The following SNTG1 variants were observed in gnomAD, a reference collection of about 807,000 sequenced individuals.
SNTG1 encodes the protein gamma-1-syntrophin.
SNTG1 carries 39 observed loss-of-function variants against 74.7 expected under a neutral mutation model. The observed-to-expected ratio is 0.52, with a 90% CI of 0.40 to 0.68. SNTG1 has a LOEUF of 0.68. SNTG1 is among the 30% of genes least tolerant of loss of function. SNTG1 has a pLI of 0.00. For missense variants in SNTG1, 685 were observed against 609.5 expected, an observed-to-expected ratio of 1.12 and a Z score of -1.30; for synonymous variants, 254 against 217.1, an observed-to-expected ratio of 1.17 and a Z score of -1.49.
intron 4 of SNTG1, among the ~76,000 whole-genome samples, chr8:50,403,244 T>A (rs191529039): frequency 8.9e-4 from 136 of 152,310 alleles, no homozygotes; most frequent in Non-Finnish European, 1.0e-3. Flanking sequence ...AGTGTTTAGT[T>A]GGTGGTGAAT....
intron 1 of SNTG1, among the ~76,000 whole-genome samples, chr8:50,084,462 AAAAAT>A (rs754657794): frequency 3.3e-5 from 5 of 152,316 alleles, no homozygotes; most frequent in Non-Finnish European, 7.3e-5. Context: ...CCATCTCAAA[AAAAAT>A]AAAATAAAAA....
chr8:50,693,007 G>C (rs1382531010), intron 15 of SNTG1, among the ~76,000 whole-genome samples: 1 of 152,162 alleles, frequency 6.6e-6, no homozygotes, highest in Non-Finnish European at 1.5e-5. Flanking sequence ...TCGGACTGCT[G>C]TGTTAGCAAT....
At chr8:50,372,491 G>A (rs1563295673) in intron 2 of SNTG1, among the ~76,000 whole-genome samples, 1 of 151,590 alleles carries the variant, frequency 6.6e-6, no homozygotes, top group Non-Finnish European at 1.5e-5. Context: ...CCATCTTCCT[G>A]ATACTTTGCA....
chr8:50,007,161 C>T (rs1229567991), intron 1 of SNTG1, among the ~76,000 whole-genome samples: 3 of 152,114 alleles, frequency 2.0e-5, no homozygotes, highest in African/African-American at 7.2e-5. Context: ...TCTATTTCCA[C>T]ACACATGTGG....
At chr8:50,404,767 A>T (rs1348934688) in intron 4 of SNTG1, among the ~76,000 whole-genome samples, 2 of 152,080 alleles carry the variant, frequency 1.3e-5, no homozygotes, top group African/African-American at 4.8e-5. Flanking sequence ...AATTTTCATC[A>T]TGCCATACTG....
chr8:50,505,199 A>G (rs1414726561), intron 9 of SNTG1, among the ~76,000 whole-genome samples: 2 of 152,156 alleles, frequency 1.3e-5, no homozygotes, highest in South Asian at 2.1e-4. Context: ...ACATTCTTTC[A>G]TATGCATATA....
chr8:50,282,685 G>T (rs1413667056), intron 2 of SNTG1, among the ~76,000 whole-genome samples: 3 of 152,224 alleles, frequency 2.0e-5, no homozygotes, highest in African/African-American at 7.2e-5. Context: ...AGAATCACTT[G>T]AACCCAGGAG....
chr8:50,315,101 CATT>C (rs2090266018), intron 2 of SNTG1, among the ~76,000 whole-genome samples: 1 of 149,652 alleles, frequency 6.7e-6, no homozygotes, highest in Admixed American at 6.8e-5. Flanking sequence ...TTTAAAAAGT[CATT>C]TAACTCTGTT....
chr8:49,916,241 A>G (rs1439856635), intron 1 of SNTG1, among the ~76,000 whole-genome samples: 3 of 152,158 alleles, frequency 2.0e-5, no homozygotes, highest in African/African-American at 7.2e-5. Flanking sequence ...ACATAAAATG[A>G]AAAAGAACTG....
intron 11 of SNTG1, among the ~76,000 whole-genome samples, chr8:50,549,152 C>T (rs1044778858): frequency 3.3e-5 from 5 of 152,004 alleles, no homozygotes; most frequent in Non-Finnish European, 7.4e-5. Context: ...GAAAATAAGT[C>T]ACAAAAAATA....
chr8:49,982,246 C>T lies in SNTG1; in HGVS notation c.-103+70015C>T, dbSNP rs185189637. ...TATGGGCACATAAAAATTTATAAGT[C>T]TCAGTGGTATGCAACTGCTCAGGTA... On this transcript the variant is annotated intron_variant, in intron 1 of 18. Coordinates refer to ENST00000642720, the MANE Select transcript of SNTG1 (RefSeq NM_018967.5). 1.5e-3 allele frequency among the ~76,000 whole-genome samples: 232 copies of T among 152,124 alleles called. 2 individuals are homozygous for T. In the Middle Eastern group the frequency reaches 0.034, roughly 22 times the overall value.
chr8:50,623,880 CTT>C (rs145037329), intron 13 of SNTG1, among the ~76,000 whole-genome samples: 3 of 151,782 alleles, frequency 2.0e-5, no homozygotes, highest in African/African-American at 7.2e-5. Context: ...TTTATTATCT[CTT>C]TTTTTAAACT....
chr8:50,215,427 A>T (rs1312279847), intron 2 of SNTG1, among the ~76,000 whole-genome samples: 3 of 147,182 alleles, frequency 2.0e-5, no homozygotes, highest in South Asian at 4.2e-4. Context: ...TATATATTTT[A>T]TATATATAGT....
intron 2 of SNTG1, among the ~76,000 whole-genome samples, chr8:50,367,307 C>G (rs1310573608): frequency 6.6e-6 from 1 of 151,144 alleles, no homozygotes; most frequent in Non-Finnish European, 1.5e-5. Context: ...ATGACATTTC[C>G]TAGTTCACAA....
intron 1 of SNTG1, among the ~76,000 whole-genome samples, chr8:49,984,624 G>T (rs1812992108): frequency 6.6e-6 from 1 of 152,046 alleles, no homozygotes; most frequent in African/African-American, 2.4e-5. Flanking sequence ...TGTATTGTTT[G>T]TTGTAAAATC....
intron 8 of SNTG1, among the ~76,000 whole-genome samples, chr8:50,456,521 G>T (rs73583450): frequency 0.082 from 12,479 of 152,110 alleles, 632 homozygotes; most frequent in Middle Eastern, 0.14. Context: ...AGGGATGAAA[G>T]CTGGGTGGGT....
At chr8:50,069,140 T>C (rs1821139961) in intron 1 of SNTG1, among the ~76,000 whole-genome samples, 3 of 152,024 alleles carry the variant, frequency 2.0e-5, no homozygotes, top group South Asian at 4.1e-4. Context: ...TAAAGGAAAA[T>C]GTATATAAAT....
rs549531818 is a variant in SNTG1, at chr8:50,656,139, C to T, written c.850-770C>T. Among the ~76,000 whole-genome samples, 4 of 152,126 alleles carry T rather than the reference C, an allele frequency of 2.6e-5. No homozygotes were observed. The East Asian group carries it at 5.8e-4, about 22-fold the overall frequency. The stretch of plus-strand genomic sequence containing the variant: ...ATATGAAGTGGGAGGTATATCCTCC[C>T]GCACAGAGTTGTGATGAGAAAGAAA... On this transcript the variant is annotated intron_variant, in intron 13 of 18. Transcript: ENST00000642720.
intron 2 of SNTG1, among the ~76,000 whole-genome samples, chr8:50,223,442 C>T (rs1488041896): frequency 6.6e-6 from 1 of 151,832 alleles, no homozygotes; most frequent in Non-Finnish European, 1.5e-5. Flanking sequence ...AAATTAGCAA[C>T]AGGAATCAAT....
Sources: allele counts gnomAD v4.1 joint callset (sites outside exome capture counted in the v4.1 genomes callset), GRCh38; gene constraint gnomAD v4.1.1; transcripts MANE v1.5; gene names NCBI Gene and HGNC (gene_info 2026-07-23, HGNC 2026-07-21).